The following GSDME variants were observed in gnomAD, a reference collection of about 807,000 sequenced individuals.
GSDME encodes gasdermin-E.
GSDME carries 44 observed loss-of-function variants against 47.5 expected under a neutral mutation model. The observed-to-expected ratio is 0.93, with a 90% CI of 0.73 to 1.19. The LOEUF is 1.19. GSDME is among the 50% of genes most tolerant of loss of function. GSDME has a pLI of 0.00. For missense variants in GSDME, 663 were observed against 604.2 expected (o/e 1.10, Z -1.02); for synonymous variants, 258 against 252.8 (o/e 1.02, Z -0.20).
chr7:24,779,782 C>T, the GSDME span, among the ~76,000 whole-genome samples: 1 of 152,178 alleles, frequency 6.6e-6, no homozygotes, highest in African/African-American at 2.4e-5. The surrounding 1 kb of genome is among the most constrained non-coding windows in gnomAD (Gnocchi z 6.0). Context: ...CCCTTCTTGG[C>T]CTCAGGATGA....
At chr7:24,789,362 G>A in the GSDME span, among the ~76,000 whole-genome samples, 1 of 151,968 alleles carries the variant, frequency 6.6e-6, no homozygotes, top group East Asian at 1.9e-4. Flanking sequence ...TATTCGGCTG[G>A]GAGCATCGGC....
intron 1 of GSDME, among the ~76,000 whole-genome samples, chr7:24,755,199 A>G (rs1005938398): frequency 6.6e-6 from 1 of 152,238 alleles, no homozygotes; most frequent in African/African-American, 2.4e-5. Context: ...AGGCAAGGCC[A>G]GTCTTGTCAT....
chr7:24,746,020 G>A (rs1052492858), intron 2 of GSDME, among the ~76,000 whole-genome samples: 15 of 151,920 alleles, frequency 9.9e-5, no homozygotes, highest in African/African-American at 2.9e-4. Context: ...CAAACCCACC[G>A]GCAGTCTGAA....
chr7:24,780,389 A>G, the GSDME span, among the ~76,000 whole-genome samples: 1 of 152,358 alleles, frequency 6.6e-6, no homozygotes, highest in Non-Finnish European at 1.5e-5. The surrounding 1 kb of genome is among the most constrained non-coding windows in gnomAD (Gnocchi z 4.1). Context: ...ATCATCTGGT[A>G]CACAGCAGAT....
intron 6 of GSDME, among the ~76,000 whole-genome samples, chr7:24,709,963 T>A (rs1261302543): frequency 6.6e-6 from 1 of 152,216 alleles, no homozygotes; most frequent in Non-Finnish European, 1.5e-5. Flanking sequence ...ACTGCCTCAC[T>A]CTTCAGTCTC....
intron 4 of GSDME, among the ~76,000 whole-genome samples, chr7:24,718,102 G>A (rs1464354521): frequency 6.6e-6 from 1 of 152,244 alleles, no homozygotes; most frequent in Non-Finnish European, 1.5e-5. Context: ...TCAACACTTT[G>A]GCAGGAAGTG....
rs768214801 is a variant in GSDME, at chr7:24,702,741, C to A, written c.1257+19G>T. On this transcript the variant is annotated intron_variant, in intron 9 of 9. Transcript: ENST00000645220. ...CCCATTCCTATCCATTCTAAGGTCC[C>A]ACCTGGGAGGTTGCTTACCAAGTGG... The A allele has an allele frequency of 1.2e-6, 2 of 1,610,762 alleles. No homozygotes were observed. Among genetic ancestry groups the A allele is most frequent in the South Asian group, 2.2e-5 (2 of 90,930 alleles).
chr7:24,779,600 T>C, the GSDME span, among the ~76,000 whole-genome samples: 1 of 151,100 alleles, frequency 6.6e-6, no homozygotes, highest in Non-Finnish European at 1.5e-5. The surrounding 1 kb of genome is among the most constrained non-coding windows in gnomAD (Gnocchi z 6.0). Context: ...CCACTAAAAA[T>C]GGCCTAACCA....
At chr7:24,703,604 G>C (rs142360342) in intron 8 of GSDME, 1 of 153,930 alleles carries the variant, frequency 6.5e-6, no homozygotes, top group Non-Finnish European at 1.4e-5. Context: ...TCAGGTAGCC[G>C]AGGGACTGGT....
At chr7:24,710,119 T>C in intron 6 of GSDME, 105 bp downstream of exon 6, 1 of 1,251,016 alleles carries the variant, frequency 8.0e-7, no homozygotes, top group South Asian at 1.2e-5. Flanking sequence ...ATATGTTTTC[T>C]GTGAGTCACT....
chr7:24,714,010 G>A lies in GSDME; in HGVS notation c.697+3244C>T, dbSNP rs554163495. On this transcript the variant is annotated intron_variant, in intron 5 of 9. Coordinates refer to ENST00000645220, the MANE Select transcript of GSDME (RefSeq NM_001127453.2). The surrounding 1 kb of genome is among the most constrained non-coding windows in gnomAD (Gnocchi z 5.0). The stretch of plus-strand genomic sequence containing the variant: ...ATGGTGTTAGGGCCAGTGGGGAGAC[G>A]TGCACAGATTCAGGTGCAGCGTGGG... 3.3e-5 allele frequency among the ~76,000 whole-genome samples: 5 copies of A among 152,328 alleles called. No homozygotes were observed. In the East Asian group the frequency reaches 5.8e-4, roughly 18 times the overall value.
Position 24,726,793 on chromosome 7 carries a change from G to A in GSDME, c.405-7575C>T, listed in dbSNP as rs1411793609. Among the ~76,000 whole-genome samples the A allele has an allele frequency of 9.7e-5, 14 of 143,648 alleles. 1 individual carries two copies. Among genetic ancestry groups the A allele is most frequent in the East Asian group, 8.1e-4 (4 of 4,966 alleles). The allele number at this position is 143,648 out of a possible 152,430, so 94.2% of individuals were successfully genotyped here. On this transcript the variant is annotated intron_variant, in intron 3 of 9. Transcript: ENST00000645220. This position sits in a 1 kb window ranked among gnomAD's most constrained non-coding sequence, Gnocchi z 5.6. The stretch of plus-strand genomic sequence containing the variant: ...TGCACTCCAGCCCGGGGGACAGAGC[G>A]AGACTCCGTCTCAAAAAAAAAAAAA...
At chr7:24,773,588 G>A in the GSDME span, among the ~76,000 whole-genome samples, 2 of 152,172 alleles carry the variant, frequency 1.3e-5, no homozygotes, top group Non-Finnish European at 2.9e-5. The surrounding 1 kb of genome is among the most constrained non-coding windows in gnomAD (Gnocchi z 5.4). Flanking sequence ...GAATTTTTAA[G>A]GCTAATTAAG....
chr7:24,721,009 A>G lies in GSDME; in HGVS notation c.405-1791T>C, dbSNP rs192603976. 1.8e-4 allele frequency among the ~76,000 whole-genome samples: 27 copies of G among 152,316 alleles called. No homozygotes were observed. In the East Asian group the frequency reaches 5.2e-3, roughly 29 times the overall value. On this transcript the variant is annotated intron_variant, in intron 3 of 9. Coordinates refer to ENST00000645220, the MANE Select transcript of GSDME (RefSeq NM_001127453.2). The surrounding 1 kb of genome is among the most constrained non-coding windows in gnomAD (Gnocchi z 4.1). ...CACACTCCAGGGACAAATGAGCAAT[A>G]TTGTGTGGTTCCTCATATGAAATAT...
chr7:24,791,076 G>A, the GSDME span, among the ~76,000 whole-genome samples: 238 of 152,188 alleles, frequency 1.6e-3, 1 homozygote, highest in African/African-American at 5.4e-3. The surrounding 1 kb of genome is among the most constrained non-coding windows in gnomAD (Gnocchi z 4.8). Flanking sequence ...GGGATTCTCC[G>A]GGCTTGGTCT....
chr7:24,749,260 G>T (rs1003033028), intron 2 of GSDME, among the ~76,000 whole-genome samples: 1 of 152,136 alleles, frequency 6.6e-6, no homozygotes, highest in Non-Finnish European at 1.5e-5. Context: ...TCAGCACTTT[G>T]GGAGACCGAG....
rs199916923 is a variant in GSDME, at chr7:24,710,218, C to T, written c.862+6G>A. On this transcript the variant is annotated splice_donor_region_variant and intron_variant, in intron 6 of 9. Coordinates refer to ENST00000645220, the MANE Select transcript of GSDME (RefSeq NM_001127453.2). ...CTGCCCACTACTCCTGCCCTGCTGG[C>T]AATACCTTGCTTTAAAACACTTAAT... 1.2e-6 allele frequency: 2 copies of T among 1,613,424 alleles called. No homozygotes were observed. The highest frequency in any genetic ancestry group is 4.5e-5 in the East Asian group (2 of 44,888).
chr7:24,702,281 G>A, intron 9 of GSDME: 1 of 233,352 alleles, frequency 4.3e-6, no homozygotes, highest in Non-Finnish European at 8.5e-6. Flanking sequence ...ATTTCCAGAG[G>A]GGGCACCAAG....
chr7:24,794,153 C>G, the GSDME span, among the ~76,000 whole-genome samples: 8 of 150,664 alleles, frequency 5.3e-5, no homozygotes, highest in East Asian at 1.5e-3. Flanking sequence ...CTCTCTTTCT[C>G]TCTTTGACTT....
Sources: allele counts gnomAD v4.1 joint callset (sites outside exome capture counted in the v4.1 genomes callset), GRCh38; gene constraint gnomAD v4.1.1; non-coding constraint Gnocchi (gnomAD v3.1); transcripts MANE v1.5; gene names NCBI Gene and HGNC (gene_info 2026-07-23, HGNC 2026-07-21).